The following EIF5 variants were observed in gnomAD, a reference collection of about 807,000 sequenced individuals.
The protein encoded by EIF5 is eukaryotic translation initiation factor 5.
A neutral mutation model predicts 48.3 loss-of-function variants in EIF5; 10 were observed. The ratio of observed to expected loss-of-function variants is 0.21; its 90% CI spans 0.13 to 0.35. EIF5 has a LOEUF of 0.35. EIF5 is among the 10% of genes least tolerant of loss of function. The probability of loss-of-function intolerance (pLI) is 1.00; values close to 1 mark genes in which losing one functional copy is unlikely to be tolerated. For synonymous variants in EIF5, 237 were observed against 173.1 expected, an observed-to-expected ratio of 1.37 and a Z score of -2.90; for missense variants, 397 against 533.2, an observed-to-expected ratio of 0.74 and a Z score of 2.51.
intron 10 of EIF5, 114 bp downstream of exon 10, chr14:103,339,917 G>A: frequency 8.1e-7 from 1 of 1,227,690 alleles, no homozygotes; most frequent in Non-Finnish European, 1.1e-6. Context: ...GGAGTACAGT[G>A]GTATGATCTC....
chr14:103,339,654 A>G lies in EIF5; in HGVS notation c.922A>G (p.Lys308Glu). Residue 308 changes from lysine (K) to glutamate (E), a missense_variant, in exon 10 of 12, where the codon AAA becomes GAA. Lys to Glu is a moderately conservative substitution (Grantham distance 56). This residue lies in a region of EIF5 where 160 missense variants were observed against 184.8 expected (regional missense o/e 0.87). Transcript: ENST00000216554. ...RHFLRFCHNN[K>E]KAQRYLLHGL... is the part of the protein sequence containing the mutation. Reference sequence around the variant, plus strand: ...CTATTTGCAGTTTTGTCACAACAACAAAAAAGCCCAACGGTACCTTCTTCA... The same window carrying G: ...CTATTTGCAGTTTTGTCACAACAACGAAAAAGCCCAACGGTACCTTCTTCA... The G allele has an allele frequency of 1.9e-6, 3 of 1,614,168 alleles. No individual in the cohort carries two copies. The highest frequency in any genetic ancestry group is 2.5e-6 in the Non-Finnish European group (3 of 1,179,996).
chr14:103,341,998 T>C lies in EIF5; in HGVS notation c.*946T>C, dbSNP rs1198592441. The C allele has an allele frequency of 6.5e-6, 1 of 152,694 alleles. No individual in the cohort carries two copies. The highest frequency in any genetic ancestry group is 1.5e-5 in the Non-Finnish European group (1 of 68,044). The allele number at this position is 152,694 out of a possible 1,614,324, so 9.5% of individuals were successfully genotyped here. On this transcript the variant is annotated 3_prime_UTR_variant, in exon 12 of 12. Transcript: ENST00000216554. The stretch of plus-strand genomic sequence containing the variant: ...AGACATACTGTATTTTTTCGTTCAG[T>C]GTGGCTTTAATTTTCCCCTCTTGCA...
In EIF5 at chr14:103,336,036, G is replaced by A. The variant is rs776468942; in HGVS notation, c.73G>A (p.Val25Ile). Residue 25 changes from valine to isoleucine, a missense_variant and splice_region_variant, in exon 4 of 12, where the codon GTT becomes ATT. Coordinates refer to ENST00000216554, the MANE Select transcript of EIF5 (RefSeq NM_001969.5). ...RYKMPRLIAK[V>I]EGKGNGIKTV... ...CAACTAAAATTCTTATTTCCTTTAGGTTGAGGGCAAAGGCAATGGAATCAA... is the reference window on the plus strand; with the variant it reads ...CAACTAAAATTCTTATTTCCTTTAGATTGAGGGCAAAGGCAATGGAATCAA... 4 of 1,613,990 alleles carry A rather than the reference G, an allele frequency of 2.5e-6. No homozygotes were observed. Among genetic ancestry groups the A allele is most frequent in the Non-Finnish European group, 2.5e-6 (3 of 1,180,036 alleles).
In EIF5 at chr14:103,335,783, C is replaced by T. The variant is rs1027740422; in HGVS notation, c.-78C>T. On this transcript the variant is annotated 5_prime_UTR_variant, in exon 3 of 12. Transcript: ENST00000216554. ...CTTGCAGTCGTTTATGTCATCCCTT[C>T]TTCTCCAGACAGAAGATACCAAAAA... 5.3e-6 allele frequency: 8 copies of T among 1,504,636 alleles called. No homozygotes were observed. The highest frequency in any genetic ancestry group is 3.4e-5 in the Admixed American group (2 of 58,504). The allele number at this position is 1,504,636 out of a possible 1,614,324, so 93.2% of individuals were successfully genotyped here.
chr14:103,335,183 GAAGT>G (rs1296225175), intron 2 of EIF5: 1 of 152,412 alleles, frequency 6.6e-6, no homozygotes, highest in Non-Finnish European at 1.5e-5. Flanking sequence ...GTGCTGCTTT[GAAGT>G]AAGCCATGGT....
intron 4 of EIF5, 78 bp from the exon 5 acceptor site, chr14:103,336,596 AGTG>A (rs1170019384): frequency 4.2e-5 from 57 of 1,365,554 alleles, no homozygotes; most frequent in South Asian, 2.5e-4. Flanking sequence ...AAAAAAAAAA[AGTG>A]GTGTTCGTAC....
At chr14:103,337,430 C>A in intron 6 of EIF5, 1 of 538,458 alleles carries the variant, frequency 1.9e-6, no homozygotes, top group Non-Finnish European at 3.2e-6. Flanking sequence ...CATAGTGAAA[C>A]CCGTCTACTA....
chr14:103,344,659 A>G lies in EIF5; in HGVS notation c.*3607A>G, dbSNP rs2089392252. On this transcript the variant is annotated 3_prime_UTR_variant, in exon 12 of 12. Transcript: ENST00000216554. ...TGGGGCAGTAGGGGAAATTCCACCC[A>G]ATTTTGCTATGAGCCTAAAACCTCT... 1 of 152,214 alleles carries G rather than the reference A, an allele frequency of 6.6e-6. No individual in the cohort carries two copies. Among genetic ancestry groups the G allele is most frequent in the Non-Finnish European group, 1.5e-5 (1 of 68,046 alleles). The allele number at this position is 152,214 out of a possible 1,614,324, so 9.4% of individuals were successfully genotyped here. A position where few individuals can be genotyped will look rare whatever the true frequency, so the allele number is the denominator to read the frequency against.
In EIF5 at chr14:103,335,919, G is replaced by C. The variant is rs760455568; in HGVS notation, c.59G>C (p.Arg20Pro). The C allele has an allele frequency of 6.8e-6, 11 of 1,614,026 alleles. No individual in the cohort carries two copies. The highest frequency in any genetic ancestry group is 1.3e-5 in the African/African-American group (1 of 74,910). The change falls in exon 3 of 12, where the codon CGT (arginine) becomes CCT (proline). Residue 20 changes from arginine (R) to proline (P), a missense_variant. This residue lies in a region of EIF5 where 108 missense variants were observed against 188.3 expected (regional missense o/e 0.57). Transcript: ENST00000216554. ...CAGTTCTATCGCTACAAGATGCCCC[G>C]TCTGATTGCCAAGGTAATAAACTGC... ...SDQFYRYKMP[R>P]LIAKVEGKGN...
rs146310156 is a variant in EIF5, at chr14:103,338,112, A to G, written c.440-215A>G. ...TTTCTTAGCAGTTACAATACCCCTA[A>G]TATTTTGTGTCACTCCATTCTTAGA... On this transcript the variant is annotated intron_variant, in intron 6 of 11. Coordinates refer to ENST00000216554, the MANE Select transcript of EIF5 (RefSeq NM_001969.5). The G allele has an allele frequency of 2.8e-5, 20 of 708,386 alleles. No homozygotes were observed. The Admixed American group carries it at 4.7e-4, about 17-fold the overall frequency. The allele number at this position is 708,386 out of a possible 1,614,324, so 43.9% of individuals were successfully genotyped here.
chr14:103,336,916 C>T (rs1205178936), intron 5 of EIF5, 67 bp downstream of exon 5: 24 of 1,518,708 alleles, frequency 1.6e-5, no homozygotes, highest in Non-Finnish European at 1.9e-5. Context: ...GCTAAGTCAC[C>T]TTCCTGAGAA....
Position 103,339,178 on chromosome 14 carries a change from AAAG to A in EIF5, c.756_758del (p.Glu253del), listed in dbSNP as rs1345949764. The A allele has an allele frequency of 6.3e-7, 1 of 1,599,208 alleles. No homozygotes were observed. Among genetic ancestry groups the A allele is most frequent in the Admixed American group, 1.8e-5 (1 of 54,986 alleles). On this transcript the variant is annotated inframe_deletion, in exon 9 of 12. Coordinates refer to ENST00000216554, the MANE Select transcript of EIF5 (RefSeq NM_001969.5). ...GTTTTCCTTTTCTTTGCAGAAAAAG[AAAG>A]AAGAGGGTGTTATTGATTCATCTGA...
Position 103,341,660 on chromosome 14 carries a change from C to T in EIF5, c.*608C>T, listed in dbSNP as rs1445514543. The T allele has an allele frequency of 6.6e-6, 1 of 152,286 alleles. No homozygotes were observed. Among genetic ancestry groups the T allele is most frequent in the African/African-American group, 2.4e-5 (1 of 41,420 alleles). The allele number at this position is 152,286 out of a possible 1,614,324, so 9.4% of individuals were successfully genotyped here. A position where few individuals can be genotyped will look rare whatever the true frequency, so the allele number is the denominator to read the frequency against. ...CATCTTAACCAAGAAGTAAATATGACCTCAGTGTCCTATAAATAATGTAAG... is the reference window on the plus strand; with the variant it reads ...CATCTTAACCAAGAAGTAAATATGATCTCAGTGTCCTATAAATAATGTAAG... On this transcript the variant is annotated 3_prime_UTR_variant, in exon 12 of 12. Transcript: ENST00000216554.
At position 103,343,836 on chromosome 14, in the gene EIF5, TA is replaced by T. The variant is rs2089381995; in HGVS notation, c.*2787del. The T allele has an allele frequency of 1.3e-5, 2 of 152,276 alleles. No individual in the cohort carries two copies. The highest frequency in any genetic ancestry group is 2.9e-5 in the Non-Finnish European group (2 of 68,054). 9.4% of individuals were successfully genotyped at this position (152,276 alleles called of 1,614,324 possible). A position where few individuals can be genotyped will look rare whatever the true frequency, so the allele number is the denominator to read the frequency against. On this transcript the variant is annotated 3_prime_UTR_variant, in exon 12 of 12. Coordinates refer to ENST00000216554, the MANE Select transcript of EIF5 (RefSeq NM_001969.5). The stretch of plus-strand genomic sequence containing the variant: ...TAACAAAATAACCCTTCATGTATTT[TA>T]AATTTATTTGACAAGTCTGCAGACA...
Position 103,335,750 on chromosome 14 carries a change from C to G in EIF5, c.-111C>G, listed in dbSNP as rs775046907. 17 of 1,300,824 alleles carry G rather than the reference C, an allele frequency of 1.3e-5. No individual in the cohort carries two copies. Among genetic ancestry groups the G allele is most frequent in the Non-Finnish European group, 1.9e-5 (17 of 913,108 alleles). The allele number at this position is 1,300,824 out of a possible 1,614,324, so 80.6% of individuals were successfully genotyped here. On this transcript the variant is annotated 5_prime_UTR_variant, in exon 3 of 12. Transcript: ENST00000216554. ...GCGAAAATTTTTTCATGTCAGAGAC[C>G]GAGAACTCTTGCAGTCGTTTATGTC...
rs982879016 is a variant in EIF5, at chr14:103,334,558, G to C, written c.-248G>C. 2 of 152,404 alleles carry C rather than the reference G, an allele frequency of 1.3e-5. No homozygotes were observed. Among genetic ancestry groups the C allele is most frequent in the African/African-American group, 4.8e-5 (2 of 41,400 alleles). The allele number at this position is 152,404 out of a possible 1,614,324, so 9.4% of individuals were successfully genotyped here. ...GCGCCTCACTTCATCCCAGTCCCGG[G>C]CGAGCAGCGTTGGGTTTATGTCTTT... On this transcript the variant is annotated 5_prime_UTR_variant, in exon 2 of 12. Coordinates refer to ENST00000216554, the MANE Select transcript of EIF5 (RefSeq NM_001969.5).
Position 103,341,102 on chromosome 14 carries a change from C to A in EIF5, c.*50C>A. ...CAGTATAATGCTGCAAATTTTCCTC[C>A]ATTATCAGCCAGAAGTGCAACATGT... On this transcript the variant is annotated 3_prime_UTR_variant, in exon 12 of 12. Coordinates refer to ENST00000216554, the MANE Select transcript of EIF5 (RefSeq NM_001969.5). 2 of 1,559,618 alleles carry A rather than the reference C, an allele frequency of 1.3e-6. No individual in the cohort carries two copies. Among genetic ancestry groups the A allele is most frequent in the South Asian group, 2.2e-5 (2 of 89,806 alleles).
In EIF5 at chr14:103,343,800, G is replaced by A. The variant is rs891562469; in HGVS notation, c.*2748G>A. ...TGAGGCATAGGTACTGTTGTACCAA[G>A]GTCACTTATCTAACAAAATAACCCT... On this transcript the variant is annotated 3_prime_UTR_variant, in exon 12 of 12. Coordinates refer to ENST00000216554, the MANE Select transcript of EIF5 (RefSeq NM_001969.5). 2.0e-5 allele frequency: 3 copies of A among 152,176 alleles called. No individual in the cohort carries two copies. The highest frequency in any genetic ancestry group is 7.2e-5 in the African/African-American group (3 of 41,438). The allele number at this position is 152,176 out of a possible 1,614,324, so 9.4% of individuals were successfully genotyped here.
Position 103,339,319 on chromosome 14 carries a change from C to A in EIF5, c.892C>A (p.Arg298Ser). Reference sequence around the variant, plus strand: ...TAGAGAACAGATTAAGAAATACAGGCGCCATTTCCTACGAGTAAGCAAAGT... The same window carrying A: ...TAGAGAACAGATTAAGAAATACAGGAGCCATTTCCTACGAGTAAGCAAAGT... ...KIREQIKKYR[R>S]HFLRFCHNNK... The change falls in exon 9 of 12, where the codon CGC becomes AGC. Residue 298 changes from arginine to serine, a missense_variant. By Grantham distance (110) the Arg-to-Ser change is moderately radical. Around this residue, in one of 4 missense-constraint regions of EIF5, gnomAD observed 160 missense variants for 184.8 expected, o/e 0.87. Transcript: ENST00000216554. 1 of 1,591,748 alleles carries A rather than the reference C, an allele frequency of 6.3e-7. No individual in the cohort carries two copies. The highest frequency in any genetic ancestry group is 8.5e-7 in the Non-Finnish European group (1 of 1,174,340).
Sources: allele counts gnomAD v4.1 joint callset, GRCh38; gene constraint gnomAD v4.1.1; regional missense constraint gnomAD v4.1.1; transcripts MANE v1.5; gene names NCBI Gene and HGNC (gene_info 2026-07-23, HGNC 2026-07-21).